SLC10A7: variants seen among roughly 807,000 people sequenced by gnomAD.
The protein encoded by SLC10A7 is solute carrier family 10 member 7.
A neutral mutation model predicts 43.2 loss-of-function variants in SLC10A7; 29 were observed. The ratio of observed to expected loss-of-function variants is 0.67; its 90% CI spans 0.50 to 0.92. The LOEUF (loss-of-function observed/expected upper bound fraction) is 0.92, where lower values mean the gene tolerates loss of function less well. SLC10A7 is among the 40% of genes least tolerant of loss of function. The pLI is 0.00. For synonymous variants in SLC10A7, 152 were observed against 144.8 expected (o/e 1.05, Z -0.35); for missense variants, 295 against 403.2 (o/e 0.73, Z 2.30).
chr4:146,317,532 A>C (rs1732408748), intron 6 of SLC10A7, among the ~76,000 whole-genome samples: 1 of 152,022 alleles, frequency 6.6e-6, no homozygotes, highest in African/African-American at 2.4e-5. Flanking sequence ...CCAGTTGGTA[A>C]AACATTGTTT....
chr4:146,266,865 T>C (rs1039631751), intron 10 of SLC10A7, among the ~76,000 whole-genome samples: 1 of 152,124 alleles, frequency 6.6e-6, no homozygotes, highest in Non-Finnish European at 1.5e-5. Flanking sequence ...ATGAATGAAA[T>C]GCACCTACTT....
intron 2 of SLC10A7, among the ~76,000 whole-genome samples, chr4:146,516,404 T>G (rs912134370): frequency 1.3e-5 from 2 of 149,248 alleles, no homozygotes; most frequent in African/African-American, 2.5e-5. Context: ...AGGTGTGGGG[T>G]GTGTGTGTGT....
At position 146,256,005 on chromosome 4, in the gene SLC10A7, G is replaced by A. The variant is rs1001704051; in HGVS notation, c.*486C>T. The A allele has an allele frequency of 1.3e-5, 2 of 153,948 alleles. No homozygotes were observed. The highest frequency in any genetic ancestry group is 2.4e-5 in the African/African-American group (1 of 41,466). The allele number at this position is 153,948 out of a possible 1,614,324, so 9.5% of individuals were successfully genotyped here. A position where few individuals can be genotyped will look rare whatever the true frequency, so the allele number is the denominator to read the frequency against. On this transcript the variant is annotated 3_prime_UTR_variant, in exon 12 of 12. Transcript: ENST00000335472. ...ATCTTACGCTTTTCAGCATCTATTC[G>A]ATCTATGACCCCTGCTGAGTTGATA...
chr4:146,303,080 G>C (rs1731267109), intron 7 of SLC10A7, among the ~76,000 whole-genome samples: 1 of 152,146 alleles, frequency 6.6e-6, no homozygotes, highest in African/African-American at 2.4e-5. Context: ...AGGGTAGGAG[G>C]GAAGCCAGTA....
At chr4:146,348,474 G>C (rs1319993841) in intron 5 of SLC10A7, among the ~76,000 whole-genome samples, 4 of 152,156 alleles carry the variant, frequency 2.6e-5, no homozygotes, top group East Asian at 1.9e-4. Context: ...ACGTGTAAAA[G>C]AACTCCTGTT....
At chr4:146,264,804 T>C (rs1178022470) in intron 10 of SLC10A7, among the ~76,000 whole-genome samples, 2 of 152,230 alleles carry the variant, frequency 1.3e-5, no homozygotes, top group Non-Finnish European at 2.9e-5. Context: ...CCAAATTCTG[T>C]AGATTTTTTT....
chr4:146,515,407 A>C (rs1272574341), intron 2 of SLC10A7, among the ~76,000 whole-genome samples: 2 of 152,196 alleles, frequency 1.3e-5, no homozygotes, highest in African/African-American at 4.8e-5. Context: ...TAGAACTCAT[A>C]TGTTGACAGA....
At chr4:146,336,842 G>A (rs1733922849) in intron 5 of SLC10A7, among the ~76,000 whole-genome samples, 1 of 151,900 alleles carries the variant, frequency 6.6e-6, no homozygotes, top group African/African-American at 2.4e-5. Context: ...AAAAATATAA[G>A]AACACAAAAG....
chr4:146,344,510 A>T (rs1180062491), intron 5 of SLC10A7, among the ~76,000 whole-genome samples: 1 of 151,956 alleles, frequency 6.6e-6, no homozygotes, highest in African/African-American at 2.4e-5. Context: ...TTAAAATTGC[A>T]TGTTTTCTTT....
intron 5 of SLC10A7, among the ~76,000 whole-genome samples, chr4:146,354,239 C>A (rs1207853550): frequency 5.4e-5 from 8 of 149,494 alleles, no homozygotes; most frequent in Non-Finnish European, 8.9e-5. Context: ...TCTTATACAC[C>A]AACAACAGAC....
At chr4:146,456,591 A>G (rs1732074375) in intron 4 of SLC10A7, among the ~76,000 whole-genome samples, 1 of 151,966 alleles carries the variant, frequency 6.6e-6, no homozygotes, top group Non-Finnish European at 1.5e-5. Flanking sequence ...TAACAATTAC[A>G]GTTTAATTAT....
chr4:146,422,407 T>C (rs960327949), intron 5 of SLC10A7, among the ~76,000 whole-genome samples: 1 of 152,154 alleles, frequency 6.6e-6, no homozygotes, highest in African/African-American at 2.4e-5. Context: ...TCAATAATAT[T>C]GATAGGAGCA....
At chr4:146,515,261 A>G (rs1737839966) in intron 2 of SLC10A7, 1 of 672,616 alleles carries the variant, frequency 1.5e-6, no homozygotes, top group Admixed American at 2.3e-5. Context: ...CAAGTAAAGG[A>G]CTTGGGTTAG....
At chr4:146,289,962 C>T (rs1378079623) in intron 9 of SLC10A7, among the ~76,000 whole-genome samples, 3 of 149,138 alleles carry the variant, frequency 2.0e-5, no homozygotes, top group Non-Finnish European at 4.5e-5. Context: ...GATCCACCCA[C>T]CTTGGCCTCC....
chr4:146,447,687 A>G (rs1278012363), intron 4 of SLC10A7, among the ~76,000 whole-genome samples: 1 of 151,858 alleles, frequency 6.6e-6, no homozygotes, highest in African/African-American at 2.4e-5. Flanking sequence ...AAAAGTTCAT[A>G]TTGAGATTTT....
chr4:146,410,536 A>C (rs907063982), intron 5 of SLC10A7, among the ~76,000 whole-genome samples: 9 of 152,152 alleles, frequency 5.9e-5, no homozygotes, highest in Admixed American at 2.0e-4. Flanking sequence ...ATCCCTAAGA[A>C]TAGGTATTAT....
intron 4 of SLC10A7, among the ~76,000 whole-genome samples, chr4:146,454,879 T>A (rs1731919766): frequency 6.6e-6 from 1 of 151,946 alleles, no homozygotes. Context: ...TTGAAAATAC[T>A]ATTTATTTAT....
At chr4:146,425,779 G>A (rs926817485) in intron 5 of SLC10A7, among the ~76,000 whole-genome samples, 1 of 152,156 alleles carries the variant, frequency 6.6e-6, no homozygotes, top group African/African-American at 2.4e-5. Context: ...CACTACCTGG[G>A]AAAGAAGATC....
intron 5 of SLC10A7, 75 bp from the exon 6 acceptor site, chr4:146,326,071 T>G: frequency 7.5e-7 from 1 of 1,339,602 alleles, no homozygotes; most frequent in Non-Finnish European, 1.0e-6. Context: ...TTTTAAACTC[T>G]GAGGCATAGG....
Sources: allele counts gnomAD v4.1 joint callset (sites outside exome capture counted in the v4.1 genomes callset), GRCh38; gene constraint gnomAD v4.1.1; transcripts MANE v1.5; gene names NCBI Gene and HGNC (gene_info 2026-07-23, HGNC 2026-07-21).